Variants in DIP2C observed in about 807,000 individuals in gnomAD.
DIP2C encodes DIP2 acetate--CoA ligase C (putative).
In DIP2C, 33 loss-of-function variants were observed where a neutral mutation model predicts 192.4. The ratio of observed to expected loss-of-function variants is 0.17; its 90% confidence interval spans 0.13 to 0.23. The LOEUF (loss-of-function observed/expected upper bound fraction) is 0.23, where lower values mean the gene tolerates loss of function less well. Among genes scored for constraint, DIP2C ranks in the 10% least tolerant of loss-of-function variants. DIP2C has a pLI of 1.00. For missense variants in DIP2C, 1,537 were observed against 2,110.1 expected (o/e 0.73, Z 5.32); for synonymous variants, 979 against 864.1 (o/e 1.13, Z -2.33).
chr10:417,677 T>G (rs368968906), intron 6 of DIP2C, among the ~76,000 whole-genome samples: 5 of 85,192 alleles, frequency 5.9e-5, no homozygotes, highest in African/African-American at 1.3e-4. Flanking sequence ...AGGGCTCGGA[T>G]AGGCCTCCCT....
Position 544,155 on chromosome 10 carries a change from T to TGACCTTTGGTGC in DIP2C, c.86-57637_86-57626dup, listed in dbSNP as rs1488090727. On this transcript the variant is annotated intron_variant, in intron 1 of 36. Transcript: ENST00000280886. ...ATCGCACAGTGCGTGACCTTTGGTG[T>TGACCTTTGGTGC]GACCTTTGGTGCCGGCATCTTTCCC... Among the ~76,000 whole-genome samples, 8 of 151,312 alleles carry TGACCTTTGGTGC rather than the reference T, an allele frequency of 5.3e-5. No homozygotes were observed. The East Asian group carries it at 9.6e-4, about 18-fold the overall frequency.
At chr10:301,526 C>G (rs1376489830) in intron 32 of DIP2C, among the ~76,000 whole-genome samples, 1 of 152,178 alleles carries the variant, frequency 6.6e-6, no homozygotes, top group East Asian at 1.9e-4. Context: ...TAACGTTACA[C>G]TGACACGGCA....
chr10:417,620 GCGCCTGT>G lies in DIP2C; in HGVS notation c.739+1438_739+1444del, dbSNP rs1564684241. 4.2e-4 allele frequency among the ~76,000 whole-genome samples: 63 copies of G among 149,722 alleles called. 1 individual carries two copies. Among genetic ancestry groups the G allele is most frequent in the East Asian group, 5.8e-4 (3 of 5,140 alleles). Reference sequence around the variant, plus strand: ...CTAGGATAGGCATCCCTGTCTGCCTGCGCCTGTCAGGGCTCGGATAGGCCTCCCTGTC... The same window carrying G: ...CTAGGATAGGCATCCCTGTCTGCCTGCAGGGCTCGGATAGGCCTCCCTGTC... On this transcript the variant is annotated intron_variant, in intron 6 of 36. Coordinates refer to ENST00000280886, the MANE Select transcript of DIP2C (RefSeq NM_014974.3).
chr10:482,219 C>T (rs973517515), intron 2 of DIP2C, among the ~76,000 whole-genome samples: 1 of 152,166 alleles, frequency 6.6e-6, no homozygotes, highest in Non-Finnish European at 1.5e-5. Flanking sequence ...CCATCGGGAG[C>T]CCTGGTAGCA....
intron 1 of DIP2C, among the ~76,000 whole-genome samples, chr10:580,023 A>G (rs1850501136): frequency 6.6e-6 from 1 of 152,176 alleles, no homozygotes; most frequent in South Asian, 2.1e-4. Flanking sequence ...AATAGCATGT[A>G]CACGCATCTC....
chr10:505,562 G>A (rs572389307), intron 1 of DIP2C, among the ~76,000 whole-genome samples: 6 of 138,670 alleles, frequency 4.3e-5, no homozygotes, highest in South Asian at 2.4e-4. Context: ...CCTGCCCAGC[G>A]GTGCTTCCTG....
chr10:591,561 A>G (rs1304951020), intron 1 of DIP2C, among the ~76,000 whole-genome samples: 1 of 152,244 alleles, frequency 6.6e-6, no homozygotes, highest in Non-Finnish European at 1.5e-5. Flanking sequence ...TTTAAAAACC[A>G]AAAATGCCAA....
chr10:653,497 GT>G (rs1168841473), intron 1 of DIP2C, among the ~76,000 whole-genome samples: 1 of 152,068 alleles, frequency 6.6e-6, no homozygotes, highest in Non-Finnish European at 1.5e-5. Flanking sequence ...TGCATTCCTA[GT>G]CCCTTGGAGC....
Position 524,967 on chromosome 10 carries a change from C to CAAAAAAAAAAAAAAAAAAAAAAAAAA in DIP2C, c.86-38438_86-38437insTTTTTTTTTTTTTTTTTTTTTTTTTT, listed in dbSNP as rs10652748. Among the ~76,000 whole-genome samples the CAAAAAAAAAAAAAAAAAAAAAAAAAA allele has an allele frequency of 1.2e-3, 133 of 111,094 alleles. 7 individuals carry two copies. Among genetic ancestry groups the CAAAAAAAAAAAAAAAAAAAAAAAAAA allele is most frequent in the African/African-American group, 2.9e-3 (62 of 21,572 alleles). 72.9% of individuals were successfully genotyped at this position (111,094 alleles called of 152,430 possible). On this transcript the variant is annotated intron_variant, in intron 1 of 36. Transcript: ENST00000280886. The stretch of plus-strand genomic sequence containing the variant: ...ACACAGTTTAAGACAATCACAATTT[C>CAAAAAAAAAAAAAAAAAAAAAAAAAA]AAAAAAAAAAAAAAAAGAATCACAT...
rs1588529037 is a variant in DIP2C, at chr10:586,617, T to A, written c.86-100087A>T. Among the ~76,000 whole-genome samples the A allele has an allele frequency of 1.3e-5, 2 of 152,182 alleles. 1 individual carries two copies. The highest frequency in any genetic ancestry group is 4.1e-4 in the South Asian group (2 of 4,834). The stretch of plus-strand genomic sequence containing the variant: ...TTTAACTAGAGCCCAACACATCTCT[T>A]CCTGTTCACATAGTATTGAGTTAAC... On this transcript the variant is annotated intron_variant, in intron 1 of 36. Transcript: ENST00000280886.
chr10:588,749 C>G (rs1288137519), intron 1 of DIP2C, among the ~76,000 whole-genome samples: 2 of 152,226 alleles, frequency 1.3e-5, no homozygotes, highest in Admixed American at 6.5e-5. Flanking sequence ...AACTGCCCCA[C>G]AGGCTACCCC....
rs567551971 is a variant in DIP2C at position 335,078 on chromosome 10, C to A, written c.3585-5477G>T. ...GAATCTTCCAATACATGAATACAGG[C>A]TATCTGACACAATTTTTAAAAACAG... On this transcript the variant is annotated intron_variant, in intron 29 of 36. Coordinates refer to ENST00000280886, the MANE Select transcript of DIP2C (RefSeq NM_014974.3). Among the ~76,000 whole-genome samples the A allele has an allele frequency of 8.5e-5, 13 of 152,200 alleles. No individual in the cohort carries two copies. In the South Asian group the frequency reaches 2.7e-3, roughly 32 times the overall value.
At position 400,862 on chromosome 10, in the gene DIP2C, C is replaced by T. The variant is rs550482525; in HGVS notation, c.1150-1643G>A. ...ACCACATGAATCCTGTGATTTTACA[C>T]GTGTGGCAGCATTAGCATTACTCTT... On this transcript the variant is annotated intron_variant, in intron 9 of 36. Coordinates refer to ENST00000280886, the MANE Select transcript of DIP2C (RefSeq NM_014974.3). 1.0e-3 allele frequency among the ~76,000 whole-genome samples: 149 copies of T among 148,180 alleles called. 2 individuals are homozygous for T. Among genetic ancestry groups the T allele is most frequent in the Non-Finnish European group, 1.4e-3 (95 of 67,136 alleles).
chr10:297,762 A>G (rs548055573), intron 32 of DIP2C, among the ~76,000 whole-genome samples: 1 of 152,312 alleles, frequency 6.6e-6, no homozygotes, highest in East Asian at 1.9e-4. Flanking sequence ...CCGCAGGATG[A>G]CTATAACTAA....
chr10:579,950 A>G (rs538477064), intron 1 of DIP2C, among the ~76,000 whole-genome samples: 16 of 151,844 alleles, frequency 1.1e-4, no homozygotes, highest in African/African-American at 3.9e-4. Flanking sequence ...ATGTATGTAC[A>G]TGAATAAAGC....
At position 345,143 on chromosome 10, in the gene DIP2C, C is replaced by T. The variant is rs373495152; in HGVS notation, c.3232-33G>A. 83 of 1,586,902 alleles carry T rather than the reference C, an allele frequency of 5.2e-5. No individual in the cohort carries two copies. The Middle Eastern group carries it at 6.6e-4, about 13-fold the overall frequency. On this transcript the variant is annotated intron_variant, in intron 26 of 36. Coordinates refer to ENST00000280886, the MANE Select transcript of DIP2C (RefSeq NM_014974.3). ...CAGAGAGCGAGAATGGAGCCATGAA[C>T]GTGGACCCAGATGAAAGCGTGCTCA...
At chr10:279,355 G>A (rs189995937) in intron 36 of DIP2C, among the ~76,000 whole-genome samples, 414 of 152,252 alleles carry the variant, frequency 2.7e-3, no homozygotes, top group Middle Eastern at 0.024. Flanking sequence ...TAGTCCTAGA[G>A]TATCCAAATC....
intron 1 of DIP2C, among the ~76,000 whole-genome samples, chr10:614,668 G>C (rs1019076008): frequency 1.3e-5 from 2 of 152,264 alleles, no homozygotes; most frequent in Non-Finnish European, 2.9e-5. Flanking sequence ...GCTGAGTCTT[G>C]AATGTGATCC....
At chr10:403,170 G>C (rs2133043058) in intron 9 of DIP2C, among the ~76,000 whole-genome samples, 1 of 2,332 alleles carries the variant, frequency 4.3e-4, no homozygotes, top group African/African-American at 4.6e-4. Context: ...GACAAGTTTG[G>C]TACATTTTCA....
Sources: gnomAD v4.1 joint callset for allele counts (sites outside exome capture counted in the v4.1 genomes callset) on GRCh38, gnomAD v4.1.1 for gene constraint, MANE v1.5 for transcripts, NCBI Gene and HGNC (gene_info 2026-07-23, HGNC 2026-07-21) for gene names.